The following CRY1 variants were observed in gnomAD, a reference collection of about 807,000 sequenced individuals.
The protein encoded by CRY1 is cryptochrome-1.
In CRY1, 45 loss-of-function variants were observed where a neutral mutation model predicts 76.0. That is an observed-to-expected ratio of 0.59 (90% CI 0.47 to 0.76). The LOEUF is 0.76. Among genes scored for constraint, CRY1 ranks in the 30% least tolerant of loss-of-function variants. CRY1 has a pLI of 0.00. For missense variants in CRY1, 587 were observed against 716.4 expected (o/e 0.82, Z 2.06); for synonymous variants, 248 against 244.0 (o/e 1.02, Z -0.15).
intron 3 of CRY1, among the ~76,000 whole-genome samples, chr12:107,003,441 AG>A (rs1428609893): frequency 6.6e-6 from 1 of 152,222 alleles, no homozygotes; most frequent in African/African-American, 2.4e-5. Flanking sequence ...TAAGTAAACT[AG>A]TCAAGGTCAT....
chr12:107,084,740 AC>A (rs1354197794), intron 1 of CRY1, among the ~76,000 whole-genome samples: 1 of 152,214 alleles, frequency 6.6e-6, no homozygotes, highest in Non-Finnish European at 1.5e-5. Context: ...CCTAGGCAAT[AC>A]CATTCAGGAC....
At chr12:107,048,981 G>A (rs1180315055) in intron 1 of CRY1, among the ~76,000 whole-genome samples, 1 of 152,096 alleles carries the variant, frequency 6.6e-6, no homozygotes, top group Non-Finnish European at 1.5e-5. Flanking sequence ...AAAAGCTATA[G>A]ATATCCTCCT....
intron 1 of CRY1, among the ~76,000 whole-genome samples, chr12:107,070,718 T>A (rs1953178522): frequency 1.4e-5 from 2 of 138,670 alleles, no homozygotes; most frequent in Admixed American, 7.5e-5. Flanking sequence ...TTATTTATTT[T>A]GAGATGGAGT....
Position 107,000,085 on chromosome 12 carries a change from GA to G in CRY1, c.685-4del, listed in dbSNP as rs757278084. The G allele has an allele frequency of 7.6e-6, 12 of 1,587,166 alleles. No individual in the cohort carries two copies. In the South Asian group the frequency reaches 1.4e-4, roughly 19 times the overall value. ...CTTTCAAAATTTGCCACCCAAGCCT[GA>G]AAACACACAGAGAAAATTATATTAA... On this transcript the variant is annotated splice_region_variant and splice_polypyrimidine_tract_variant and intron_variant, in intron 5 of 12. Transcript: ENST00000008527.
chr12:107,068,640 G>A (rs969924523), intron 1 of CRY1, among the ~76,000 whole-genome samples: 4 of 152,096 alleles, frequency 2.6e-5, no homozygotes, highest in Admixed American at 2.6e-4. Flanking sequence ...TGGCATATGA[G>A]TACATTGATA....
intron 7 of CRY1, 35 bp from the exon 8 acceptor site, chr12:106,998,101 C>T (rs1465144690): frequency 6.2e-7 from 1 of 1,607,984 alleles, no homozygotes; most frequent in South Asian, 1.1e-5. Flanking sequence ...AGTTTGCACA[C>T]ACATAATTCG....
At chr12:107,071,766 T>C (rs1432347954) in intron 1 of CRY1, among the ~76,000 whole-genome samples, 2 of 152,204 alleles carry the variant, frequency 1.3e-5, no homozygotes, top group East Asian at 3.8e-4. Context: ...GTGGTACTTA[T>C]TAAATAAAAG....
chr12:107,088,994 T>C (rs1018429293), intron 1 of CRY1, among the ~76,000 whole-genome samples: 1 of 152,260 alleles, frequency 6.6e-6, no homozygotes, highest in African/African-American at 2.4e-5. Flanking sequence ...CAGAATCATA[T>C]AACACATGGA....
chr12:107,078,741 T>G (rs1428830191), intron 1 of CRY1, among the ~76,000 whole-genome samples: 1 of 152,152 alleles, frequency 6.6e-6, no homozygotes, highest in Non-Finnish European at 1.5e-5. Context: ...TTTCCTCACC[T>G]ACCTATGGTC....
At position 106,991,823 on chromosome 12, in the gene CRY1, A is replaced by G. The variant is rs2136813376; in HGVS notation, c.*179T>C. 1 of 152,738 alleles carries G rather than the reference A, an allele frequency of 6.5e-6. No individual in the cohort carries two copies. Among genetic ancestry groups the G allele is most frequent in the South Asian group, 2.1e-4 (1 of 4,830 alleles). The allele number at this position is 152,738 out of a possible 1,614,324, so 9.5% of individuals were successfully genotyped here. ...TTGCCAAGTTCTTTATATACAAATTACCAATTGTCCTCTGTGAAATTCATT... is the reference window on the plus strand; with the variant it reads ...TTGCCAAGTTCTTTATATACAAATTGCCAATTGTCCTCTGTGAAATTCATT... On this transcript the variant is annotated 3_prime_UTR_variant, in exon 13 of 13. Coordinates refer to ENST00000008527, the MANE Select transcript of CRY1 (RefSeq NM_004075.5).
chr12:107,072,603 A>G, intron 1 of CRY1, among the ~76,000 whole-genome samples: 1 of 152,214 alleles, frequency 6.6e-6, no homozygotes, highest in East Asian at 1.9e-4. Flanking sequence ...ACATGATCTC[A>G]TTGTTAAAAT....
chr12:107,005,502 A>C (rs991985363), intron 2 of CRY1, among the ~76,000 whole-genome samples: 1 of 152,260 alleles, frequency 6.6e-6, no homozygotes, highest in African/African-American at 2.4e-5. Flanking sequence ...CTCTTATACT[A>C]AATGTGTTTG....
chr12:107,011,581 TA>T (rs1952444206), intron 2 of CRY1, among the ~76,000 whole-genome samples: 1 of 152,154 alleles, frequency 6.6e-6, no homozygotes, highest in Non-Finnish European at 1.5e-5. Flanking sequence ...AATACTCCCT[TA>T]AAGCATAGTC....
At chr12:107,006,183 C>T (rs975080801) in intron 2 of CRY1, among the ~76,000 whole-genome samples, 1 of 151,862 alleles carries the variant, frequency 6.6e-6, no homozygotes, top group Non-Finnish European at 1.5e-5. Flanking sequence ...GTCAGGAGTT[C>T]AAGACCAGCC....
chr12:107,044,339 T>A (rs1952828098), intron 1 of CRY1, among the ~76,000 whole-genome samples: 1 of 152,168 alleles, frequency 6.6e-6, no homozygotes, highest in Admixed American at 6.5e-5. Flanking sequence ...ATTAACAATC[T>A]ATGCTGCTGC....
intron 1 of CRY1, among the ~76,000 whole-genome samples, chr12:107,041,797 G>A (rs1156616093): frequency 6.6e-6 from 1 of 150,386 alleles, no homozygotes; most frequent in East Asian, 2.0e-4. Context: ...TGGGGTGGGG[G>A]TGGGGAAGAG....
intron 2 of CRY1, among the ~76,000 whole-genome samples, chr12:107,021,105 G>A (rs1477283878): frequency 1.3e-5 from 2 of 152,146 alleles, no homozygotes; most frequent in East Asian, 3.9e-4. Flanking sequence ...CCAACATGGT[G>A]AAACCCTGTC....
chr12:107,036,940 C>A (rs1032083781), intron 1 of CRY1, among the ~76,000 whole-genome samples: 8 of 152,288 alleles, frequency 5.3e-5, no homozygotes, highest in African/African-American at 1.4e-4. Context: ...CCTGAGCCCC[C>A]TTCCTTGCTA....
At position 106,999,637 on chromosome 12, in the gene CRY1, C is replaced by T. The variant is rs1952278518; in HGVS notation, c.1051G>A (p.Gly351Ser). Residue 351 changes from glycine to serine, a missense_variant, in exon 7 of 13, where the codon GGT (glycine) becomes AGT (serine). Transcript: ENST00000008527. ...TGCCTGGCTAGATGATGAATCCAAC[C>T]CTCCTGACGAAGCTGTGTCATGATG... ...DAIMTQLRQE[G>S]WIHHLARHAV... The T allele has an allele frequency of 1.2e-6, 2 of 1,614,138 alleles. No homozygotes were observed. Among genetic ancestry groups the T allele is most frequent in the South Asian group, 1.1e-5 (1 of 91,084 alleles).
Sources: allele counts gnomAD v4.1 joint callset (sites outside exome capture counted in the v4.1 genomes callset), GRCh38; gene constraint gnomAD v4.1.1; transcripts MANE v1.5; gene names NCBI Gene and HGNC (gene_info 2026-07-23, HGNC 2026-07-21).